Variants in FAM53A observed in about 807,000 individuals in gnomAD.
FAM53A encodes family with sequence similarity 53 member A.
FAM53A carries 28 observed loss-of-function variants against 26.6 expected under a neutral mutation model. The observed-to-expected ratio is 1.05, with a 90% CI of 0.78 to 1.45. FAM53A has a LOEUF of 1.45. Ranked by LOEUF, FAM53A falls within the 40% of genes most tolerant of loss-of-function variation. The pLI is 0.00. For missense variants in FAM53A, 650 were observed against 575.8 expected (o/e 1.13, Z -1.32); for synonymous variants, 290 against 253.1 (o/e 1.15, Z -1.38).
At chr4:1,684,863 G>T (rs1042217542), upstream of FAM53A, among the ~76,000 whole-genome samples, 1 of 152,242 alleles carries the variant, frequency 6.6e-6, no homozygotes, top group Non-Finnish European at 1.5e-5. Flanking sequence ...GGACCGTGCT[G>T]CAGGGCTCCT....
At chr4:1,637,923 A>C, downstream of FAM53A, among the ~76,000 whole-genome samples, 1 of 147,900 alleles carries the variant, frequency 6.8e-6, no homozygotes, top group African/African-American at 2.5e-5. Flanking sequence ...CCTCCCATCC[A>C]CCTGTCCACG....
chr4:1,601,090 C>G, the FAM53A span, among the ~76,000 whole-genome samples: 5 of 152,142 alleles, frequency 3.3e-5, no homozygotes, highest in African/African-American at 1.2e-4. Flanking sequence ...CCCAGCCCTG[C>G]CCCAGCTGCC....
In FAM53A at chr4:1,672,631, C is replaced by T. The variant is rs541490566; in HGVS notation, c.-164-3726G>A. 4.6e-5 allele frequency among the ~76,000 whole-genome samples: 7 copies of T among 152,232 alleles called. No individual in the cohort carries two copies. In the East Asian group the frequency reaches 9.6e-4, roughly 21 times the overall value. ...CTCAGAGTGATCCCCAAAAGATGCTCGGCAGCCACCAAGGAAAAACAGTAA... is the reference window on the plus strand; with the variant it reads ...CTCAGAGTGATCCCCAAAAGATGCTTGGCAGCCACCAAGGAAAAACAGTAA... On this transcript the variant is annotated intron_variant, in intron 1 of 4. Coordinates refer to ENST00000308132, the MANE Select transcript of FAM53A (RefSeq NM_001174070.3).
chr4:1,574,841 G>A, the FAM53A span, among the ~76,000 whole-genome samples: 1 of 152,250 alleles, frequency 6.6e-6, no homozygotes, highest in Non-Finnish European at 1.5e-5. Context: ...TGTGTGCCAG[G>A]CTGCTGGGCC....
At chr4:1,586,438 A>AC in the FAM53A span, among the ~76,000 whole-genome samples, 8 of 150,054 alleles carry the variant, frequency 5.3e-5, no homozygotes, top group Non-Finnish European at 1.0e-4. Context: ...CAGGTGGTCC[A>AC]CCCCCCCAGC....
At chr4:1,618,464 C>G (rs1331614836) in intron 1 of FAM53A, among the ~76,000 whole-genome samples, 1 of 152,216 alleles carries the variant, frequency 6.6e-6, no homozygotes, top group African/African-American at 2.4e-5. Context: ...CCCCAGGGCC[C>G]CCTTCAGACA....
At chr4:1,671,279 A>C (rs1714633533) in intron 1 of FAM53A, among the ~76,000 whole-genome samples, 2 of 144,460 alleles carry the variant, frequency 1.4e-5, no homozygotes, top group African/African-American at 5.3e-5. Flanking sequence ...CGTCAGAGCC[A>C]CCAGCTCACA....
At chr4:1,677,647 A>G (rs1329775102) in intron 1 of FAM53A, among the ~76,000 whole-genome samples, 1 of 152,118 alleles carries the variant, frequency 6.6e-6, no homozygotes, top group East Asian at 1.9e-4. Flanking sequence ...CTGGCTCTCC[A>G]TTCACACAGA....
In FAM53A at chr4:1,627,774, G is replaced by T. The variant is rs543210624; in HGVS notation, c.432-9663C>A. On this transcript the variant is annotated intron_variant, in intron 1 of 1. Coordinates refer to the FAM53A transcript ENST00000489029. ...CCCTTGCCCTCTGGCATGTGTCCCA[G>T]CAGCAGCCCCACCTGGGGGTCTCCA... Among the ~76,000 whole-genome samples, 10 of 152,146 alleles carry T rather than the reference G, an allele frequency of 6.6e-5. 1 individual carries two copies. In the South Asian group the frequency reaches 2.1e-3, roughly 32 times the overall value.
At chr4:1,577,878 C>G in the FAM53A span, among the ~76,000 whole-genome samples, 6 of 139,350 alleles carry the variant, frequency 4.3e-5, no homozygotes, top group African/African-American at 1.6e-4. Context: ...CAGGCTCTGC[C>G]GGGACCAGGC....
At chr4:1,645,338 C>T (rs1473031757) in intron 4 of FAM53A, among the ~76,000 whole-genome samples, 4 of 152,236 alleles carry the variant, frequency 2.6e-5, no homozygotes, top group Admixed American at 6.5e-5. Context: ...ACCCTAGACC[C>T]CTTGTTGCCT....
At chr4:1,662,938 T>C (rs1163207932) in intron 2 of FAM53A, among the ~76,000 whole-genome samples, 2 of 152,134 alleles carry the variant, frequency 1.3e-5, no homozygotes, top group African/African-American at 4.8e-5. Context: ...CTCATGCCTG[T>C]AATCCCACCA....
chr4:1,627,099 T>G (rs956767743), intron 1 of FAM53A, among the ~76,000 whole-genome samples: 1 of 152,106 alleles, frequency 6.6e-6, no homozygotes, highest in African/African-American at 2.4e-5. Context: ...GGGGCTTCGC[T>G]CCGGTGCCCC....
At chr4:1,668,101 T>G (rs1385758090) in intron 2 of FAM53A, among the ~76,000 whole-genome samples, 1 of 151,712 alleles carries the variant, frequency 6.6e-6, no homozygotes, top group African/African-American at 2.4e-5. Context: ...TGTGTGTAAG[T>G]CAGCCTTTCA....
the FAM53A span, among the ~76,000 whole-genome samples, chr4:1,582,285 G>T: frequency 3.3e-5 from 5 of 152,208 alleles, no homozygotes; most frequent in Admixed American, 6.5e-5. Flanking sequence ...GCCAGGCCAC[G>T]GCCATCAGGG....
chr4:1,654,926 G>A (rs369871615), intron 4 of FAM53A, 52 bp downstream of exon 4: 15 of 1,479,092 alleles, frequency 1.0e-5, no homozygotes, highest in East Asian at 2.5e-5. Context: ...CCCCAGCACC[G>A]CCCTGTCCAG....
At chr4:1,615,713 T>C (rs73795177), downstream of FAM53A, among the ~76,000 whole-genome samples, 5,246 of 152,074 alleles carry the variant, frequency 0.034, 331 homozygotes, top group African/African-American at 0.12. Context: ...GCTCCTCACA[T>C]GTCCAAGAAT....
chr4:1,618,339 C>A (rs141959304), intron 1 of FAM53A, among the ~76,000 whole-genome samples: 5 of 152,168 alleles, frequency 3.3e-5, no homozygotes, highest in South Asian at 4.2e-4. Flanking sequence ...AAAGACCTGG[C>A]CAGAATCCCA....
intron 1 of FAM53A, among the ~76,000 whole-genome samples, chr4:1,669,596 GC>G (rs1183607287): frequency 6.6e-6 from 1 of 152,220 alleles, no homozygotes; most frequent in East Asian, 1.9e-4. Context: ...TCCCCAAACT[GC>G]CCCGGCTTTG....
Sources: allele counts gnomAD v4.1 joint callset (sites outside exome capture counted in the v4.1 genomes callset), GRCh38; gene constraint gnomAD v4.1.1; transcripts MANE v1.5; gene names NCBI Gene and HGNC (gene_info 2026-07-23, HGNC 2026-07-21).